The following PEX14 variants were observed in gnomAD, a reference collection of about 807,000 sequenced individuals.
PEX14 encodes peroxisomal biogenesis factor 14.
A neutral mutation model predicts 49.5 loss-of-function variants in PEX14; 15 were observed. The observed-to-expected ratio is 0.30, with a 90% CI of 0.20 to 0.47. The LOEUF is 0.47. Among genes scored for constraint, PEX14 ranks in the 20% least tolerant of loss-of-function variants. The probability of loss-of-function intolerance (pLI) is 1.00; values close to 1 mark genes in which losing one functional copy is unlikely to be tolerated. For synonymous variants in PEX14, 210 were observed against 212.7 expected (o/e 0.99, Z 0.11); for missense variants, 398 against 494.8 (o/e 0.80, Z 1.86).
intron 1 of PEX14, among the ~76,000 whole-genome samples, chr1:10,479,814 C>T (rs1287775380): frequency 2.0e-5 from 3 of 152,104 alleles, no homozygotes; most frequent in African/African-American, 7.2e-5. Context: ...TATGTTTTCT[C>T]CTCTGTAAAA....
intron 1 of PEX14, among the ~76,000 whole-genome samples, chr1:10,493,674 C>G (rs1641508960): frequency 1.3e-5 from 2 of 152,154 alleles, no homozygotes; most frequent in Admixed American, 1.3e-4. Flanking sequence ...GCAATCCATC[C>G]TCCTGGGCCT....
chr1:10,554,064 C>T (rs886661451), intron 3 of PEX14, among the ~76,000 whole-genome samples: 5 of 146,712 alleles, frequency 3.4e-5, no homozygotes, highest in Admixed American at 7.0e-5. Context: ...CCGAGGTGGG[C>T]GGATCATGAG....
At chr1:10,533,892 C>T (rs765550292) in intron 2 of PEX14, among the ~76,000 whole-genome samples, 2 of 152,148 alleles carry the variant, frequency 1.3e-5, no homozygotes, top group African/African-American at 2.4e-5. Flanking sequence ...ATGGAATGCG[C>T]CAAGCACTGC....
At chr1:10,559,854 A>G (rs1467098564) in intron 3 of PEX14, among the ~76,000 whole-genome samples, 1 of 152,134 alleles carries the variant, frequency 6.6e-6, no homozygotes, top group East Asian at 1.9e-4. Flanking sequence ...TGATGATCTT[A>G]GGCCTGGGGA....
At chr1:10,509,739 T>C (rs939015784) in intron 2 of PEX14, among the ~76,000 whole-genome samples, 29 of 152,342 alleles carry the variant, frequency 1.9e-4, no homozygotes, top group African/African-American at 6.3e-4. Context: ...CATTTTTTTC[T>C]TACCTCTTAA....
chr1:10,592,883 G>A (rs1315196365), intron 3 of PEX14, among the ~76,000 whole-genome samples: 1 of 152,196 alleles, frequency 6.6e-6, no homozygotes, highest in Non-Finnish European at 1.5e-5. Flanking sequence ...CTCGCCTGCT[G>A]TTGTTCCACG....
intron 3 of PEX14, among the ~76,000 whole-genome samples, chr1:10,569,481 G>A (rs1639909595): frequency 6.6e-6 from 1 of 152,152 alleles, no homozygotes; most frequent in Non-Finnish European, 1.5e-5. Context: ...CTCTAGACCT[G>A]TTCCCCAGTT....
At chr1:10,574,907 C>T (rs1570290515) in intron 3 of PEX14, among the ~76,000 whole-genome samples, 1 of 151,936 alleles carries the variant, frequency 6.6e-6, no homozygotes, top group South Asian at 2.1e-4. Context: ...GCCAGGAGTT[C>T]GAGACCAGCC....
At chr1:10,502,453 C>A (rs1450202070) in intron 2 of PEX14, among the ~76,000 whole-genome samples, 2 of 152,170 alleles carry the variant, frequency 1.3e-5, no homozygotes, top group South Asian at 2.1e-4. Flanking sequence ...ATTGCATAGA[C>A]TAGGCGGTGC....
At chr1:10,490,684 TG>T (rs1294634375) in intron 1 of PEX14, among the ~76,000 whole-genome samples, 1 of 150,778 alleles carries the variant, frequency 6.6e-6, no homozygotes, top group Non-Finnish European at 1.5e-5. Flanking sequence ...TAGATGCCTG[TG>T]GGTGGTTTCT....
chr1:10,520,441 A>G (rs568874410), intron 2 of PEX14, among the ~76,000 whole-genome samples: 49 of 152,166 alleles, frequency 3.2e-4, no homozygotes, highest in African/African-American at 1.1e-3. Context: ...TATAGTCATG[A>G]ACCACCATGG....
chr1:10,494,763 C>T lies in PEX14; in HGVS notation c.37-511C>T, dbSNP rs973197086. Among the ~76,000 whole-genome samples the T allele has an allele frequency of 6.6e-6, 1 of 152,206 alleles. No homozygotes were observed. The highest frequency in any genetic ancestry group is 1.5e-5 in the Non-Finnish European group (1 of 68,050). On this transcript the variant is annotated intron_variant, in intron 1 of 8. Coordinates refer to ENST00000356607, the MANE Select transcript of PEX14 (RefSeq NM_004565.3). The surrounding 1 kb of genome is among the most constrained non-coding windows in gnomAD (Gnocchi z 4.3). ...GATGAATAGGAACCTGTGTAGTTTA[C>T]TGGCTTCTGGGCTCCAGAAACTAGA... is the stretch of plus-strand genomic sequence containing the variant.
chr1:10,617,909 C>T (rs1641474533), intron 4 of PEX14, among the ~76,000 whole-genome samples: 1 of 152,168 alleles, frequency 6.6e-6, no homozygotes, highest in Non-Finnish European at 1.5e-5. Context: ...CTGCTGTGGC[C>T]CCCAGCTTAT....
rs1452096604 is a variant in PEX14 at position 10,494,957 on chromosome 1, G to A, written c.37-317G>A. On this transcript the variant is annotated intron_variant, in intron 1 of 8. Transcript: ENST00000356607. The surrounding 1 kb of genome is among the most constrained non-coding windows in gnomAD (Gnocchi z 4.3). ...CTTTTCTCTGGACTCTACTCTTCCC[G>A]TGGATTTTGGGATGGTCCCCAGCCC... 5.0e-6 allele frequency: 1 copy of A among 198,292 alleles called. No homozygotes were observed. The highest frequency in any genetic ancestry group is 9.1e-6 in the Non-Finnish European group (1 of 110,066). 12.3% of individuals were successfully genotyped at this position (198,292 alleles called of 1,614,324 possible). A position where few individuals can be genotyped will look rare whatever the true frequency, so the allele number is the denominator to read the frequency against.
At chr1:10,501,363 G>A (rs1024185043) in intron 2 of PEX14, among the ~76,000 whole-genome samples, 2 of 152,082 alleles carry the variant, frequency 1.3e-5, no homozygotes, top group African/African-American at 4.8e-5. Context: ...GGAGTGCAGT[G>A]GCACGATCTC....
intron 4 of PEX14, among the ~76,000 whole-genome samples, chr1:10,601,810 ACTTTTT>A (rs1640992428): frequency 1.3e-5 from 2 of 152,100 alleles, no homozygotes; most frequent in South Asian, 4.1e-4. Context: ...GAGTCTCCAC[ACTTTTT>A]CTTTAGTTGT....
chr1:10,482,466 C>T (rs1446343984), intron 1 of PEX14, among the ~76,000 whole-genome samples: 1 of 147,574 alleles, frequency 6.8e-6, no homozygotes, highest in Non-Finnish European at 1.5e-5. Context: ...AATGGAGTCT[C>T]GCTCTGTCAC....
intron 3 of PEX14, among the ~76,000 whole-genome samples, chr1:10,586,832 G>T (rs1640507893): frequency 6.6e-6 from 1 of 151,536 alleles, no homozygotes; most frequent in South Asian, 2.1e-4. Flanking sequence ...TAGTAGAGAC[G>T]GGGTTTCACC....
In PEX14 at chr1:10,569,761, T is replaced by C. The variant is rs190136802; in HGVS notation, c.170-29477T>C. On this transcript the variant is annotated intron_variant, in intron 3 of 8. Coordinates refer to ENST00000356607, the MANE Select transcript of PEX14 (RefSeq NM_004565.3). ...TGGAAATGATTTTTTATTAGAATCT[T>C]GAGGACATTTTCCATTGTTTTCTAC... is the stretch of plus-strand genomic sequence containing the variant. Among the ~76,000 whole-genome samples the C allele has an allele frequency of 1.4e-3, 210 of 152,336 alleles. 2 individuals are homozygous for C. Among genetic ancestry groups the C allele is most frequent in the Admixed American group, 2.2e-3 (33 of 15,306 alleles).
Sources: allele counts gnomAD v4.1 joint callset (sites outside exome capture counted in the v4.1 genomes callset), GRCh38; gene constraint gnomAD v4.1.1; non-coding constraint Gnocchi (gnomAD v3.1); transcripts MANE v1.5; gene names NCBI Gene and HGNC (gene_info 2026-07-23, HGNC 2026-07-21).